The following ADGRL3 variants were observed in gnomAD, a reference collection of about 807,000 sequenced individuals.
ADGRL3 encodes calcium-independent alpha-latrotoxin receptor 3.
ADGRL3 carries 62 observed loss-of-function variants against 153.5 expected under a neutral mutation model. The ratio of observed to expected loss-of-function variants is 0.40; its 90% confidence interval spans 0.33 to 0.50. The LOEUF (loss-of-function observed/expected upper bound fraction) is 0.50, where lower values mean the gene tolerates loss of function less well. Ranked by LOEUF, ADGRL3 falls within the 20% of genes least tolerant of loss-of-function variation. The probability of loss-of-function intolerance (pLI) is 0.47; values close to 1 mark genes in which losing one functional copy is unlikely to be tolerated. For synonymous variants in ADGRL3, 710 were observed against 672.5 expected (o/e 1.06, Z -0.86); for missense variants, 1,641 against 1,859.4 (o/e 0.88, Z 2.16).
At chr4:61,892,363 A>C (rs1241279206) in intron 9 of ADGRL3, among the ~76,000 whole-genome samples, 1 of 152,170 alleles carries the variant, frequency 6.6e-6, no homozygotes, top group East Asian at 1.9e-4. Context: ...TAGGAAGCTT[A>C]CTGAAGAGTT....
At chr4:61,440,523 C>G (rs2097516364) in intron 2 of ADGRL3, among the ~76,000 whole-genome samples, 1 of 152,184 alleles carries the variant, frequency 6.6e-6, no homozygotes, top group Non-Finnish European at 1.5e-5. Flanking sequence ...TCTCAAGAGA[C>G]TTCTCAGACT....
intron 1 of ADGRL3, among the ~76,000 whole-genome samples, chr4:61,319,664 G>A (rs1243280808): frequency 6.6e-6 from 1 of 152,118 alleles, no homozygotes; most frequent in African/African-American, 2.4e-5. Flanking sequence ...TTGATTGTAC[G>A]TCAAATGAGA....
intron 9 of ADGRL3, among the ~76,000 whole-genome samples, chr4:61,890,759 G>A (rs527638109): frequency 1.3e-5 from 2 of 152,232 alleles, no homozygotes; most frequent in South Asian, 2.1e-4. Context: ...CATTCCCCAC[G>A]TAGTATGATG....
At chr4:61,703,318 T>A (rs945451596) in intron 6 of ADGRL3, among the ~76,000 whole-genome samples, 1 of 152,172 alleles carries the variant, frequency 6.6e-6, no homozygotes, top group Admixed American at 6.5e-5. Context: ...TTCAGTACTC[T>A]AGTCACAAAT....
At chr4:62,065,858 A>G (rs1470781595) in intron 25 of ADGRL3, among the ~76,000 whole-genome samples, 1 of 151,990 alleles carries the variant, frequency 6.6e-6, no homozygotes, top group Non-Finnish European at 1.5e-5. Flanking sequence ...CTCACAATGT[A>G]AGAATTTTAA....
chr4:61,577,423 G>T (rs572191340), intron 4 of ADGRL3, among the ~76,000 whole-genome samples: 4 of 152,028 alleles, frequency 2.6e-5, no homozygotes, highest in African/African-American at 4.8e-5. Flanking sequence ...AAATCTGCAT[G>T]ATTACAAATT....
chr4:62,069,644 A>G (rs1009742352), intron 26 of ADGRL3, among the ~76,000 whole-genome samples: 1 of 152,062 alleles, frequency 6.6e-6, no homozygotes, highest in Admixed American at 6.6e-5. Flanking sequence ...AGTACCACAC[A>G]TGAATTATGT....
chr4:61,354,511 A>T (rs1387118842), intron 1 of ADGRL3, among the ~76,000 whole-genome samples: 2 of 152,032 alleles, frequency 1.3e-5, no homozygotes, highest in East Asian at 3.9e-4. Context: ...ATGATCGCAA[A>T]AGCAGCATAT....
At chr4:61,614,191 T>A (rs2091731469) in intron 5 of ADGRL3, among the ~76,000 whole-genome samples, 2 of 152,266 alleles carry the variant, frequency 1.3e-5, no homozygotes, top group Admixed American at 1.3e-4. Flanking sequence ...ACTGGAAAAT[T>A]CAAAGGCTAC....
chr4:61,662,252 C>A (rs901077652), intron 5 of ADGRL3, among the ~76,000 whole-genome samples: 3 of 152,216 alleles, frequency 2.0e-5, no homozygotes, highest in African/African-American at 7.2e-5. Flanking sequence ...AGGAGGAGCC[C>A]TACCCTCCCA....
At chr4:61,415,556 T>G (rs542915125) in intron 2 of ADGRL3, among the ~76,000 whole-genome samples, 1 of 152,216 alleles carries the variant, frequency 6.6e-6, no homozygotes, top group African/African-American at 2.4e-5. Context: ...GTTGAAGTGC[T>G]GGTTTTTAAA....
intron 4 of ADGRL3, among the ~76,000 whole-genome samples, chr4:61,532,546 G>GCA (rs1235386635): frequency 1.1e-5 from 1 of 87,482 alleles, no homozygotes; most frequent in East Asian, 3.1e-4. Flanking sequence ...GCGCGCGCGC[G>GCA]CGCGCGCGCG....
chr4:61,657,786 A>T (rs894624747), intron 5 of ADGRL3, among the ~76,000 whole-genome samples: 2 of 152,212 alleles, frequency 1.3e-5, no homozygotes, highest in African/African-American at 2.4e-5. Flanking sequence ...TTTCAGACAT[A>T]TCTGTTAGAA....
At chr4:62,062,070 A>G (rs999713562) in intron 25 of ADGRL3, among the ~76,000 whole-genome samples, 1 of 152,034 alleles carries the variant, frequency 6.6e-6, no homozygotes, top group African/African-American at 2.4e-5. Flanking sequence ...GCTATTTTAC[A>G]TTCCTACCAA....
intron 2 of ADGRL3, among the ~76,000 whole-genome samples, chr4:61,457,145 C>T (rs1225462371): frequency 4.6e-5 from 7 of 151,800 alleles, no homozygotes; most frequent in African/African-American, 1.2e-4. Flanking sequence ...AATCAATCTC[C>T]GTTTATTAAA....
At chr4:62,005,997 CACACACAT>C (rs1270635581) in intron 21 of ADGRL3, among the ~76,000 whole-genome samples, 19 of 88,550 alleles carry the variant, frequency 2.1e-4, no homozygotes, top group South Asian at 4.5e-4. Flanking sequence ...CACACACACA[CACACACAT>C]ATATATATAT....
chr4:61,746,598 T>C (rs1310773935), intron 8 of ADGRL3, among the ~76,000 whole-genome samples: 1 of 152,316 alleles, frequency 6.6e-6, no homozygotes, highest in Non-Finnish European at 1.5e-5. Context: ...AACCTGCTCC[T>C]GAATGACTAC....
At chr4:61,649,261 T>C (rs773192538) in intron 5 of ADGRL3, among the ~76,000 whole-genome samples, 4 of 152,118 alleles carry the variant, frequency 2.6e-5, no homozygotes, top group East Asian at 1.9e-4. Flanking sequence ...ATTTTTAAGA[T>C]AGTATGATAA....
chr4:61,533,038 C>T (rs1035337573), intron 4 of ADGRL3, among the ~76,000 whole-genome samples: 1 of 152,124 alleles, frequency 6.6e-6, no homozygotes, highest in Non-Finnish European at 1.5e-5. Context: ...ATAATCTCTA[C>T]ATTCTGAAAG....
Sources: allele counts gnomAD v4.1 joint callset (sites outside exome capture counted in the v4.1 genomes callset), GRCh38; gene constraint gnomAD v4.1.1; transcripts MANE v1.5; gene names NCBI Gene and HGNC (gene_info 2026-07-23, HGNC 2026-07-21).